TNFRSF19: variants seen among roughly 807,000 people sequenced by gnomAD.
TNFRSF19 encodes the protein tumor necrosis factor receptor superfamily member 19.
A neutral mutation model predicts 46.4 loss-of-function variants in TNFRSF19; 27 were observed. That is an observed-to-expected ratio of 0.58 (90% CI 0.43 to 0.80). The LOEUF (loss-of-function observed/expected upper bound fraction) is 0.80. Among genes scored for constraint, TNFRSF19 ranks in the 30% least tolerant of loss-of-function variants. TNFRSF19 has a pLI of 0.00. For missense variants in TNFRSF19, 511 were observed against 530.8 expected (o/e 0.96, Z 0.37); for synonymous variants, 204 against 205.0 (o/e 1.00, Z 0.04).
chr13:23,650,003 C>T (rs9553023), intron 5 of TNFRSF19, among the ~76,000 whole-genome samples: 12,535 of 152,148 alleles, frequency 0.082, 643 homozygotes, highest in East Asian at 0.22. Context: ...TCCATGTACA[C>T]GTGAAGAGAA....
At chr13:23,654,658 A>G (rs1408431994) in intron 5 of TNFRSF19, among the ~76,000 whole-genome samples, 1 of 152,158 alleles carries the variant, frequency 6.6e-6, no homozygotes, top group Non-Finnish European at 1.5e-5. Flanking sequence ...ATCATTACCC[A>G]ACAGAATGTT....
chr13:23,590,942 A>C (rs1879236427), intron 2 of TNFRSF19, among the ~76,000 whole-genome samples: 1 of 152,238 alleles, frequency 6.6e-6, no homozygotes, highest in African/African-American at 2.4e-5. Context: ...AATTTAGAAT[A>C]GATTTTTAAA....
chr13:23,669,272 C>T (rs1160018250), intron 9 of TNFRSF19, 175 bp downstream of exon 9: 15 of 1,409,976 alleles, frequency 1.1e-5, no homozygotes, highest in East Asian at 5.2e-5. Flanking sequence ...TTTTAAAAAA[C>T]TAACACAGCT....
At chr13:23,641,201 A>G (rs144560885) in intron 5 of TNFRSF19, among the ~76,000 whole-genome samples, 1 of 152,362 alleles carries the variant, frequency 6.6e-6, no homozygotes, top group East Asian at 1.9e-4. Context: ...CTTGTTTTCC[A>G]TATCCCTTGA....
intron 4 of TNFRSF19, among the ~76,000 whole-genome samples, chr13:23,619,482 TATGGAA>T (rs141960991): frequency 0.016 from 2,419 of 152,170 alleles, 62 homozygotes; most frequent in African/African-American, 0.055. Context: ...TCTGTGAATG[TATGGAA>T]AACCATCCAA....
In TNFRSF19 at chr13:23,594,393, C is replaced by T. The variant is rs1413291091; in HGVS notation, c.180+938C>T. ...TGCCAGCACAGCAGTGTGAAGTCCA[C>T]CTGGGACACTCAAGCATGGTGAGGG... is the stretch of plus-strand genomic sequence containing the variant. On this transcript the variant is annotated intron_variant, in intron 3 of 9. Transcript: ENST00000248484. 2.4e-5 allele frequency: 9 copies of T among 376,534 alleles called. No homozygotes were observed. In the East Asian group the frequency reaches 7.5e-4, roughly 31 times the overall value. The allele number at this position is 376,534 out of a possible 1,614,324, so 23.3% of individuals were successfully genotyped here.
chr13:23,599,629 T>C (rs903621657), intron 3 of TNFRSF19, among the ~76,000 whole-genome samples: 1 of 152,146 alleles, frequency 6.6e-6, no homozygotes, highest in Admixed American at 6.5e-5. Flanking sequence ...TAGAAAGGAA[T>C]GCCTAGAGTC....
chr13:23,592,883 T>A (rs6490809), intron 2 of TNFRSF19, among the ~76,000 whole-genome samples: 6,715 of 152,294 alleles, frequency 0.044, 494 homozygotes, highest in African/African-American at 0.15. Flanking sequence ...TAATTCATTA[T>A]ACTTGAATAT....
intron 5 of TNFRSF19, among the ~76,000 whole-genome samples, chr13:23,656,625 G>A (rs566469118): frequency 5.3e-5 from 8 of 152,202 alleles, no homozygotes; most frequent in African/African-American, 1.4e-4. Context: ...TCATTTTTAC[G>A]ACAGCTATTG....
chr13:23,605,073 AAG>A (rs1239479141), intron 3 of TNFRSF19, among the ~76,000 whole-genome samples: 1 of 152,244 alleles, frequency 6.6e-6, no homozygotes, highest in Non-Finnish European at 1.5e-5. Context: ...ATATCTGAAA[AAG>A]GACTGTTATT....
chr13:23,573,832 G>A (rs1877780871), intron 1 of TNFRSF19, among the ~76,000 whole-genome samples: 1 of 152,118 alleles, frequency 6.6e-6, no homozygotes, highest in Non-Finnish European at 1.5e-5. Flanking sequence ...GGAGGCCGAG[G>A]CAGACGGATC....
chr13:23,660,490 G>T lies in TNFRSF19; in HGVS notation c.736G>T (p.Gly246Trp). 1 of 1,612,154 alleles carries T rather than the reference G, an allele frequency of 6.2e-7. No individual in the cohort carries two copies. Among genetic ancestry groups the T allele is most frequent in the East Asian group, 2.2e-5 (1 of 44,810 alleles). The change falls in exon 7 of 10, where the codon GGG (glycine) becomes TGG (tryptophan). Residue 246 changes from glycine to tryptophan, a missense_variant and splice_region_variant. Transcript: ENST00000248484. ...QCRRDSVQTC[G>W]PVRLLPSMCC... The stretch of plus-strand genomic sequence containing the variant: ...CCGCCGTGACTCAGTGCAGACCTGC[G>T]GTAAGTTCAGCAGGGAAGTGCCGTT...
chr13:23,653,790 A>T (rs567316881), intron 5 of TNFRSF19, among the ~76,000 whole-genome samples: 2 of 152,302 alleles, frequency 1.3e-5, no homozygotes, highest in South Asian at 4.1e-4. Flanking sequence ...CTGGAAAGAA[A>T]ATTTCAGAGT....
In TNFRSF19 at chr13:23,615,992, G is replaced by A. The variant is rs1426446627; in HGVS notation, c.306G>A (p.Gln102=). The change falls in exon 4 of 10, where the codon CAG becomes CAA. Residue 102 remains glutamine (Q), a synonymous_variant. Coordinates refer to ENST00000248484, the MANE Select transcript of TNFRSF19 (RefSeq NM_148957.4). ...ACTGCGCAGTGGTGAACCGCTTTCA[G>A]AAGGCAAATTGTTCAGCCACCAGTG... The part of the protein sequence containing the change: ...CLDCAVVNRF[Q]KANCSATSDA... The A allele has an allele frequency of 1.2e-6, 2 of 1,613,146 alleles. No homozygotes were observed. Among genetic ancestry groups the A allele is most frequent in the African/African-American group, 1.3e-5 (1 of 75,038 alleles).
chr13:23,669,087 C>T lies in TNFRSF19; in HGVS notation c.1235C>T (p.Thr412Met), dbSNP rs764101609. Residue 412 changes from threonine to methionine, a missense_variant, in exon 9 of 10, where the codon ACG (threonine) becomes ATG (methionine). Physicochemically the swap from Thr to Met is moderately conservative, Grantham distance 81 (BLOSUM62 -1). This residue lies in a region of TNFRSF19 where 376 missense variants were observed against 372.7 expected (regional missense o/e 1.01). Coordinates refer to ENST00000248484, the MANE Select transcript of TNFRSF19 (RefSeq NM_148957.4). ...SGAVIHPATQ[T>M]SLQEA ...GCTGTCATCCACCCAGCCACTCAGACGTCCCTCCAGGTAAGGCAGCGACTG... is the reference window on the plus strand; with the variant it reads ...GCTGTCATCCACCCAGCCACTCAGATGTCCCTCCAGGTAAGGCAGCGACTG... The T allele has an allele frequency of 6.2e-6, 10 of 1,613,846 alleles. No individual in the cohort carries two copies. The highest frequency in any genetic ancestry group is 2.2e-5 in the East Asian group (1 of 44,904).
intron 4 of TNFRSF19, among the ~76,000 whole-genome samples, chr13:23,621,000 A>G (rs1441598856): frequency 1.3e-5 from 2 of 152,172 alleles, no homozygotes; most frequent in Non-Finnish European, 2.9e-5. Flanking sequence ...TTGTAAATGA[A>G]AGGACTGGAA....
chr13:23,621,020 C>G (rs1030390063), intron 4 of TNFRSF19, among the ~76,000 whole-genome samples: 4 of 152,152 alleles, frequency 2.6e-5, no homozygotes, highest in African/African-American at 9.7e-5. Context: ...ATTCACCTTG[C>G]AGCTCCTCTG....
intron 5 of TNFRSF19, among the ~76,000 whole-genome samples, 176 bp from the exon 6 acceptor site, chr13:23,658,874 G>A (rs1593294523): frequency 1.3e-5 from 2 of 152,210 alleles, no homozygotes; most frequent in East Asian, 3.8e-4. Context: ...GCCGGGTAAA[G>A]GTGTCCCATT....
intron 9 of TNFRSF19, 122 bp downstream of exon 9, chr13:23,669,219 T>G: frequency 6.9e-7 from 1 of 1,440,650 alleles, no homozygotes; most frequent in Non-Finnish European, 9.1e-7. Context: ...TAATAATTTC[T>G]TGTATGTTGT....
Sources: allele counts gnomAD v4.1 joint callset (sites outside exome capture counted in the v4.1 genomes callset), GRCh38; gene constraint gnomAD v4.1.1; regional missense constraint gnomAD v4.1.1; transcripts MANE v1.5; gene names NCBI Gene and HGNC (gene_info 2026-07-23, HGNC 2026-07-21).